The following NKAIN2 variants were observed in gnomAD, a reference collection of about 807,000 sequenced individuals.
The protein encoded by NKAIN2 is sodium/potassium-transporting ATPase subunit beta-1-interacting protein 2.
In NKAIN2, 14 loss-of-function variants were observed where a neutral mutation model predicts 32.6. That is an observed-to-expected ratio of 0.43 (90% CI 0.28 to 0.67). The LOEUF (loss-of-function observed/expected upper bound fraction) is 0.67, where lower values mean the gene tolerates loss of function less well. Among genes scored for constraint, NKAIN2 ranks in the 30% least tolerant of loss-of-function variants. NKAIN2 has a pLI of 0.17. For synonymous variants in NKAIN2, 80 were observed against 87.2 expected (o/e 0.92, Z 0.46); for missense variants, 198 against 258.3 (o/e 0.77, Z 1.60).
chr6:124,541,322 C>A (rs1484896370), intron 3 of NKAIN2, among the ~76,000 whole-genome samples: 1 of 152,096 alleles, frequency 6.6e-6, no homozygotes, highest in Non-Finnish European at 1.5e-5. Context: ...AAGGGTGAGA[C>A]ACAAAATAGC....
At chr6:124,011,962 G>A (rs1780351020) in intron 1 of NKAIN2, among the ~76,000 whole-genome samples, 1 of 152,126 alleles carries the variant, frequency 6.6e-6, no homozygotes, top group African/African-American at 2.4e-5. Context: ...ATAAGTCATA[G>A]GTCAATCTGA....
chr6:123,819,198 T>C (rs142637421), intron 1 of NKAIN2, among the ~76,000 whole-genome samples: 168 of 152,320 alleles, frequency 1.1e-3, no homozygotes, highest in African/African-American at 3.8e-3. Context: ...TAATCTGCAG[T>C]GCTCAGGGTG....
intron 4 of NKAIN2, among the ~76,000 whole-genome samples, chr6:124,700,385 A>C (rs1387846943): frequency 1.3e-5 from 2 of 152,184 alleles, no homozygotes; most frequent in African/African-American, 4.8e-5. Context: ...CAAAGTGTTG[A>C]GTTACATCAG....
chr6:124,191,990 T>A (rs185865743), intron 1 of NKAIN2, among the ~76,000 whole-genome samples: 206 of 147,328 alleles, frequency 1.4e-3, no homozygotes, highest in Non-Finnish European at 1.8e-3. Context: ...TGTTTTTACT[T>A]TTTTCTTAAT....
Position 123,932,674 on chromosome 6 carries a change from C to T in NKAIN2, c.54+128420C>T, listed in dbSNP as rs374086393. The stretch of plus-strand genomic sequence containing the variant: ...CCTTGTGATCTGCCCGCCTCGGCCT[C>T]CCAAAGTGCTGGGATTACAGGCGTG... On this transcript the variant is annotated intron_variant, in intron 1 of 6. Transcript: ENST00000368417. Among the ~76,000 whole-genome samples the T allele has an allele frequency of 3.9e-4, 59 of 152,156 alleles. No individual in the cohort carries two copies. The East Asian group carries it at 0.011, about 28-fold the overall frequency.
At chr6:124,144,614 C>T (rs945186962) in intron 1 of NKAIN2, among the ~76,000 whole-genome samples, 11 of 151,952 alleles carry the variant, frequency 7.2e-5, no homozygotes, top group Middle Eastern at 3.2e-3. Context: ...GGTCTAATAA[C>T]GGTCATTAAA....
At chr6:124,160,944 T>G (rs980062374) in intron 1 of NKAIN2, among the ~76,000 whole-genome samples, 2 of 152,236 alleles carry the variant, frequency 1.3e-5, no homozygotes, top group Admixed American at 1.3e-4. Context: ...CAGTGATGCC[T>G]TCTTAGATAT....
At chr6:124,674,136 A>G (rs1446311021) in intron 4 of NKAIN2, among the ~76,000 whole-genome samples, 1 of 151,436 alleles carries the variant, frequency 6.6e-6, no homozygotes, top group Non-Finnish European at 1.5e-5. Context: ...AGTCTTGACA[A>G]CCTTGTCAAA....
intron 4 of NKAIN2, among the ~76,000 whole-genome samples, chr6:124,713,371 A>C (rs543724716): frequency 6.6e-6 from 1 of 152,214 alleles, no homozygotes; most frequent in Non-Finnish European, 1.5e-5. Context: ...ATTATAGTAC[A>C]GAGTAGGGTG....
chr6:123,941,211 C>T (rs1368781507), intron 1 of NKAIN2, among the ~76,000 whole-genome samples: 1 of 151,666 alleles, frequency 6.6e-6, no homozygotes, highest in African/African-American at 2.4e-5. Flanking sequence ...AACAAGTCTG[C>T]CCTGATAACA....
At chr6:124,268,154 T>A (rs1794588618) in intron 1 of NKAIN2, among the ~76,000 whole-genome samples, 1 of 152,178 alleles carries the variant, frequency 6.6e-6, no homozygotes, top group Admixed American at 6.5e-5. Context: ...AAACATACAA[T>A]TCTAGTGATG....
Position 124,810,421 on chromosome 6 carries a change from G to C in NKAIN2, c.536-7966G>C, listed in dbSNP as rs1244989034. On this transcript the variant is annotated intron_variant, in intron 5 of 6. Transcript: ENST00000368417. ...CACCGCATATTCTCATTCGTAGGTG[G>C]GAATTGAACAATGAGAACACATGGA... is the stretch of plus-strand genomic sequence containing the variant. Among the ~76,000 whole-genome samples, 5 of 152,014 alleles carry C rather than the reference G, an allele frequency of 3.3e-5. No individual in the cohort carries two copies. In the East Asian group the frequency reaches 9.7e-4, roughly 29 times the overall value.
intron 1 of NKAIN2, among the ~76,000 whole-genome samples, chr6:124,218,592 A>G (rs1791611586): frequency 6.6e-6 from 1 of 152,206 alleles, no homozygotes; most frequent in Admixed American, 6.5e-5. Context: ...ACCAACTACT[A>G]ATAGCAAAAC....
intron 4 of NKAIN2, among the ~76,000 whole-genome samples, chr6:124,740,298 C>T (rs1347435416): frequency 6.6e-6 from 1 of 151,592 alleles, no homozygotes. Context: ...GTTTGTAGTT[C>T]CACAAATATT....
intron 5 of NKAIN2, among the ~76,000 whole-genome samples, chr6:124,796,792 C>T (rs900322825): frequency 6.0e-4 from 92 of 152,292 alleles, no homozygotes; most frequent in African/African-American, 2.0e-3. Flanking sequence ...AGTGATACAT[C>T]TTGGGAGAAA....
intron 1 of NKAIN2, among the ~76,000 whole-genome samples, chr6:124,218,906 A>C (rs193061542): frequency 7.2e-4 from 110 of 152,340 alleles, no homozygotes; most frequent in African/African-American, 2.5e-3. Flanking sequence ...ATTGACTCAC[A>C]GTTCCACACA....
chr6:123,877,960 C>G lies in NKAIN2; in HGVS notation c.54+73706C>G, dbSNP rs957115513. The stretch of plus-strand genomic sequence containing the variant: ...TTGTAATTATCGCCGGGTGTGGTGG[C>G]CTACGCCTGTAATCCCAGCACTTTG... On this transcript the variant is annotated intron_variant, in intron 1 of 6. Coordinates refer to ENST00000368417, the MANE Select transcript of NKAIN2 (RefSeq NM_001040214.3). Among the ~76,000 whole-genome samples the G allele has an allele frequency of 3.3e-5, 5 of 152,232 alleles. No homozygotes were observed. In the East Asian group the frequency reaches 9.6e-4, roughly 29 times the overall value.
intron 3 of NKAIN2, among the ~76,000 whole-genome samples, chr6:124,634,125 C>A (rs1477299503): frequency 2.0e-5 from 3 of 151,930 alleles, no homozygotes. Context: ...AGAAAAGGTT[C>A]TCCATACAAC....
chr6:124,124,600 A>G (rs1786067919), intron 1 of NKAIN2, among the ~76,000 whole-genome samples: 1 of 152,324 alleles, frequency 6.6e-6, no homozygotes, highest in South Asian at 2.1e-4. Flanking sequence ...TCTCCTACTC[A>G]TTTCTACATA....
Sources: gnomAD v4.1 joint callset for allele counts (sites outside exome capture counted in the v4.1 genomes callset) on GRCh38, gnomAD v4.1.1 for gene constraint, MANE v1.5 for transcripts, NCBI Gene and HGNC (gene_info 2026-07-23, HGNC 2026-07-21) for gene names.